Variants in DENND1A observed in about 807,000 individuals in gnomAD.
DENND1A encodes the protein DENN domain-containing protein 1A.
In DENND1A, 51 loss-of-function variants were observed where a neutral mutation model predicts 113.7. That is an observed-to-expected ratio of 0.45 (90% CI 0.36 to 0.57). The LOEUF (loss-of-function observed/expected upper bound fraction) is 0.57. Among genes scored for constraint, DENND1A ranks in the 20% least tolerant of loss-of-function variants. The pLI is 0.00. For missense variants in DENND1A, 1,258 were observed against 1,395.9 expected (o/e 0.90, Z 1.57); for synonymous variants, 565 against 570.8 (o/e 0.99, Z 0.14).
At chr9:123,604,006 T>C (rs527603660) in intron 11 of DENND1A, among the ~76,000 whole-genome samples, 1 of 152,358 alleles carries the variant, frequency 6.6e-6, no homozygotes, top group Admixed American at 6.5e-5. Context: ...GGACTGTGTT[T>C]CTAATGGCCC....
intron 6 of DENND1A, among the ~76,000 whole-genome samples, chr9:123,676,113 C>G (rs2140096986): frequency 6.6e-6 from 1 of 152,260 alleles, no homozygotes; most frequent in East Asian, 1.9e-4. Flanking sequence ...ATGTGGGCTA[C>G]AAAAATCTAC....
At chr9:123,640,472 T>C (rs1589468125) in intron 9 of DENND1A, among the ~76,000 whole-genome samples, 2 of 152,184 alleles carry the variant, frequency 1.3e-5, no homozygotes, top group African/African-American at 4.8e-5. Flanking sequence ...ACTAAATGAC[T>C]AGGGAGAAGT....
At chr9:123,917,314 C>T (rs970245453) in intron 1 of DENND1A, among the ~76,000 whole-genome samples, 8 of 152,076 alleles carry the variant, frequency 5.3e-5, no homozygotes, top group Non-Finnish European at 1.0e-4. Flanking sequence ...TATACCCTAA[C>T]GACCAAAAGA....
At chr9:123,588,834 C>G (rs1319409926) in intron 11 of DENND1A, among the ~76,000 whole-genome samples, 1 of 149,908 alleles carries the variant, frequency 6.7e-6, no homozygotes, top group Non-Finnish European at 1.5e-5. Context: ...GTGGCATGAT[C>G]TTGGCTCACT....
chr9:123,403,851 C>T (rs1331268691), intron 20 of DENND1A, among the ~76,000 whole-genome samples: 2 of 152,204 alleles, frequency 1.3e-5, no homozygotes, highest in Non-Finnish European at 2.9e-5. Flanking sequence ...ACAATTCCCT[C>T]TCATCTTCCT....
chr9:123,544,388 T>C (rs2135696572), intron 13 of DENND1A, among the ~76,000 whole-genome samples: 1 of 152,358 alleles, frequency 6.6e-6, no homozygotes, highest in Middle Eastern at 3.4e-3. Context: ...AGGTTGTTAG[T>C]TTAACCTGTA....
chr9:123,764,644 G>A lies in DENND1A; in HGVS notation c.182+4870C>T, dbSNP rs1022476980. Among the ~76,000 whole-genome samples the A allele has an allele frequency of 1.3e-5, 2 of 152,178 alleles. No homozygotes were observed. Among genetic ancestry groups the A allele is most frequent in the African/African-American group, 4.8e-5 (2 of 41,426 alleles). On this transcript the variant is annotated intron_variant, in intron 4 of 23. Transcript: ENST00000394215. This position sits in a 1 kb window ranked among gnomAD's most constrained non-coding sequence, Gnocchi z 4.1. Reference sequence around the variant, plus strand: ...AGAAACTCACCAGACAATTCTAAGAGCAGAGCTCTGTCCATTCCCTCTACA... The same window carrying A: ...AGAAACTCACCAGACAATTCTAAGAACAGAGCTCTGTCCATTCCCTCTACA...
In DENND1A at chr9:123,463,540, T is replaced by C. The variant is rs1162613664; in HGVS notation, c.994-5643A>G. 2.0e-5 allele frequency among the ~76,000 whole-genome samples: 3 copies of C among 152,224 alleles called. No individual in the cohort carries two copies. The South Asian group carries it at 6.2e-4, about 32-fold the overall frequency. On this transcript the variant is annotated intron_variant, in intron 13 of 23. Transcript: ENST00000394215. The stretch of plus-strand genomic sequence containing the variant: ...TGATTTAATTTTTATCAAAATTCTA[T>C]GTGCACATTTATGAGATTCTTATGA...
At chr9:123,728,496 A>AAAAAAAAAAAAAAAAAAAAAAC (rs2067899203) in intron 5 of DENND1A, among the ~76,000 whole-genome samples, 1 of 147,268 alleles carries the variant, frequency 6.8e-6, no homozygotes, top group Non-Finnish European at 1.5e-5. Context: ...AAAAAAAAAA[A>AAAAAAAAAAAAAAAAAAAAAAC]AAAAAAAAAA....
intron 1 of DENND1A, among the ~76,000 whole-genome samples, chr9:123,918,134 T>C (rs948509608): frequency 1.4e-5 from 2 of 146,028 alleles, no homozygotes; most frequent in African/African-American, 5.1e-5. Context: ...AATAAATAAA[T>C]AAATAAAAGA....
chr9:123,913,748 A>G (rs1191021562), intron 1 of DENND1A, among the ~76,000 whole-genome samples: 1 of 151,886 alleles, frequency 6.6e-6, no homozygotes, highest in Non-Finnish European at 1.5e-5. Flanking sequence ...TCTACTAAAA[A>G]TACAAAATTA....
intron 3 of DENND1A, among the ~76,000 whole-genome samples, chr9:123,774,303 A>C (rs1015525210): frequency 3.3e-5 from 5 of 152,200 alleles, no homozygotes. Flanking sequence ...CATACAAAAA[A>C]GCTAACAAAA....
chr9:123,624,909 G>A (rs1589403668), intron 10 of DENND1A, among the ~76,000 whole-genome samples: 1 of 152,128 alleles, frequency 6.6e-6, no homozygotes, highest in Non-Finnish European at 1.5e-5. Context: ...AGAACAATTG[G>A]CTAGAAAAAA....
At chr9:123,674,251 C>A (rs2063908529) in intron 6 of DENND1A, among the ~76,000 whole-genome samples, 1 of 151,898 alleles carries the variant, frequency 6.6e-6, no homozygotes, top group Admixed American at 6.6e-5. Flanking sequence ...GGGTCCATGG[C>A]CCAAACAGAT....
At chr9:123,641,906 T>C (rs2062049469) in intron 9 of DENND1A, among the ~76,000 whole-genome samples, 1 of 152,126 alleles carries the variant, frequency 6.6e-6, no homozygotes, top group South Asian at 2.1e-4. Context: ...TTTTAACAAG[T>C]TTTCTGGGTG....
intron 2 of DENND1A, among the ~76,000 whole-genome samples, chr9:123,851,763 G>T (rs769756633): frequency 3.3e-5 from 5 of 152,200 alleles, no homozygotes; most frequent in African/African-American, 4.8e-5. Flanking sequence ...CTCCTACGGG[G>T]AGAAACACAG....
intron 5 of DENND1A, 128 bp from the exon 6 acceptor site, chr9:123,676,917 G>A: frequency 2.3e-6 from 2 of 857,622 alleles, no homozygotes; most frequent in East Asian, 5.0e-5. Flanking sequence ...TCACAGACTG[G>A]TGGAAACACA....
chr9:123,444,686 T>C (rs537313583), intron 18 of DENND1A, among the ~76,000 whole-genome samples: 2 of 152,200 alleles, frequency 1.3e-5, no homozygotes, highest in East Asian at 1.9e-4. Context: ...GGAAGAAGTA[T>C]TTAGTGGTCT....
At position 123,524,685 on chromosome 9, in the gene DENND1A, A is replaced by G. The variant is rs558142296; in HGVS notation, c.993+32885T>C. On this transcript the variant is annotated intron_variant, in intron 13 of 23. Transcript: ENST00000394215. Reference sequence around the variant, plus strand: ...GGTCTTCCCGACTGGAATCTCTTCAATGACAATGTCTCAGGCTGCCCTCTG... The same window carrying G: ...GGTCTTCCCGACTGGAATCTCTTCAGTGACAATGTCTCAGGCTGCCCTCTG... Among the ~76,000 whole-genome samples the G allele has an allele frequency of 1.1e-3, 160 of 152,358 alleles. 1 individual carries two copies. The highest frequency in any genetic ancestry group is 3.6e-3 in the African/African-American group (150 of 41,588).
Sources: gnomAD v4.1 joint callset for allele counts (sites outside exome capture counted in the v4.1 genomes callset) on GRCh38, gnomAD v4.1.1 for gene constraint, Gnocchi (gnomAD v3.1) non-coding constraint, MANE v1.5 for transcripts, NCBI Gene and HGNC (gene_info 2026-07-23, HGNC 2026-07-21) for gene names.